Variants in SGSM1 observed in about 807,000 individuals in gnomAD.
SGSM1 encodes the protein small G protein signaling modulator 1, also known as RUN and TBC1 domain containing 2.
SGSM1 carries 73 observed loss-of-function variants against 133.8 expected under a neutral mutation model. The ratio of observed to expected loss-of-function variants is 0.55; its 90% CI spans 0.45 to 0.66. The LOEUF is 0.66. Among genes scored for constraint, SGSM1 ranks in the 30% least tolerant of loss-of-function variants. The pLI is 0.00. For synonymous variants in SGSM1, 563 were observed against 573.0 expected, an observed-to-expected ratio of 0.98 and a Z score of 0.25; for missense variants, 1,213 against 1,448.1, an observed-to-expected ratio of 0.84 and a Z score of 2.64.
At chr22:24,868,288 C>A in intron 10 of SGSM1, 88 bp from the exon 11 acceptor site, 2 of 1,525,304 alleles carry the variant, frequency 1.3e-6, no homozygotes, top group Non-Finnish European at 8.8e-7. Context: ...TGGCTTGGCA[C>A]CCCTGGGGGA....
chr22:24,829,356 G>GA (rs923669607), intron 2 of SGSM1, among the ~76,000 whole-genome samples: 1 of 152,082 alleles, frequency 6.6e-6, no homozygotes, highest in Non-Finnish European at 1.5e-5. Flanking sequence ...ACAAAGAGGG[G>GA]AGCAGCAGAC....
At chr22:24,830,932 C>T (rs1179491897) in intron 2 of SGSM1, among the ~76,000 whole-genome samples, 1 of 152,120 alleles carries the variant, frequency 6.6e-6, no homozygotes. Flanking sequence ...CACTAAAAGC[C>T]CCTCCTGGAC....
intron 2 of SGSM1, among the ~76,000 whole-genome samples, chr22:24,831,136 C>T (rs914697310): frequency 5.3e-5 from 8 of 151,988 alleles, no homozygotes; most frequent in Non-Finnish European, 1.2e-4. Context: ...CGGAGGTCAG[C>T]GTGCAGGAGG....
chr22:24,811,200 C>T (rs889189676), intron 2 of SGSM1, among the ~76,000 whole-genome samples: 2 of 152,058 alleles, frequency 1.3e-5, no homozygotes, highest in Admixed American at 6.6e-5. Flanking sequence ...CACATTCCTG[C>T]AATACACAAG....
intron 2 of SGSM1, among the ~76,000 whole-genome samples, chr22:24,809,691 A>C (rs1280327719): frequency 6.6e-6 from 1 of 152,166 alleles, no homozygotes; most frequent in Non-Finnish European, 1.5e-5. Flanking sequence ...CTGTGGATAT[A>C]GCAGGGACAG....
At chr22:24,851,685 T>C (rs1338231428) in intron 5 of SGSM1, among the ~76,000 whole-genome samples, 2 of 152,160 alleles carry the variant, frequency 1.3e-5, no homozygotes, top group Non-Finnish European at 2.9e-5. Flanking sequence ...TAATACCTGA[T>C]GGATGTTCCA....
chr22:24,894,368 G>T (rs190538333), intron 17 of SGSM1, among the ~76,000 whole-genome samples: 1 of 152,194 alleles, frequency 6.6e-6, no homozygotes, highest in Non-Finnish European at 1.5e-5. Flanking sequence ...ACTCCAGCAC[G>T]GGCAACGAGC....
At chr22:24,823,864 C>T (rs908911844) in intron 2 of SGSM1, among the ~76,000 whole-genome samples, 2 of 150,618 alleles carry the variant, frequency 1.3e-5, no homozygotes, top group Non-Finnish European at 1.5e-5. Flanking sequence ...GAGCCATGAT[C>T]GCGTCACTGT....
chr22:24,886,599 G>C lies in SGSM1; in HGVS notation c.1642-1G>C. 6.4e-7 allele frequency: 1 copy of C among 1,552,006 alleles called. No homozygotes were observed. ...TCTTTGCTCCTCTCCACCCACCACA[G>C]AGTTACGAGGAGCAGGAGCTGCTGC... On this transcript the variant is annotated splice_acceptor_variant, in intron 15 of 24. Transcript: ENST00000400358. LOFTEE classifies it high-confidence loss of function.
chr22:24,898,780 C>T (rs1433433021), intron 19 of SGSM1, among the ~76,000 whole-genome samples: 1 of 152,052 alleles, frequency 6.6e-6, no homozygotes, highest in African/African-American at 2.4e-5. Context: ...GTAATCCCAG[C>T]ACTTTGGGAG....
At chr22:24,895,185 G>A in intron 17 of SGSM1, 38 bp from the exon 18 acceptor site, 13 of 1,579,132 alleles carry the variant, frequency 8.2e-6, no homozygotes, top group African/African-American at 1.4e-5. Flanking sequence ...CCAGGGTGCA[G>A]CCTCACCCTC....
chr22:24,857,982 G>GT (rs112502462), intron 8 of SGSM1, among the ~76,000 whole-genome samples: 26 of 152,012 alleles, frequency 1.7e-4, no homozygotes, highest in African/African-American at 6.3e-4. Context: ...GATGTTTTTT[G>GT]TTTTTTGTTT....
At chr22:24,822,088 C>CTCTTTTTTTTTTTT (rs1555920070) in intron 2 of SGSM1, among the ~76,000 whole-genome samples, 1 of 96,176 alleles carries the variant, frequency 1.0e-5, no homozygotes, top group Non-Finnish European at 2.0e-5. Flanking sequence ...TCATCTCTCT[C>CTCTTTTTTTTTTTT]TTTTTTTTTT....
intron 16 of SGSM1, among the ~76,000 whole-genome samples, chr22:24,890,123 A>AT (rs540395339): frequency 4.1e-4 from 62 of 151,354 alleles, no homozygotes; most frequent in African/African-American, 1.3e-3. Flanking sequence ...CGCCTGGCTA[A>AT]TTTTTTGTAT....
At chr22:24,838,908 G>T in intron 2 of SGSM1, among the ~76,000 whole-genome samples, 1 of 133,346 alleles carries the variant, frequency 7.5e-6, no homozygotes. Context: ...ATTAATTTTA[G>T]GATAGATATT....
At position 24,855,544 on chromosome 22, in the gene SGSM1, A is replaced by C. The variant is rs753934776; in HGVS notation, c.670-5A>C. ...ATCCCTCTGTCTCCCGTCACTCTCTACCAGATCCAGAAGAGGCATTCCAGT... is the reference window on the plus strand; with the variant it reads ...ATCCCTCTGTCTCCCGTCACTCTCTCCCAGATCCAGAAGAGGCATTCCAGT... On this transcript the variant is annotated splice_region_variant and splice_polypyrimidine_tract_variant and intron_variant, in intron 7 of 24. Transcript: ENST00000400358. The C allele has an allele frequency of 1.2e-6, 2 of 1,613,684 alleles. No individual in the cohort carries two copies. Among genetic ancestry groups the C allele is most frequent in the Non-Finnish European group, 1.7e-6 (2 of 1,179,810 alleles).
intron 9 of SGSM1, among the ~76,000 whole-genome samples, chr22:24,860,916 A>T (rs1335349276): frequency 0.038 from 3,315 of 86,440 alleles, 50 homozygotes; most frequent in South Asian, 0.056. Flanking sequence ...AAAAAAAAAA[A>T]AAAAAAATAT....
In SGSM1 at chr22:24,924,310, C is replaced by G; in HGVS notation, c.*36C>G. The G allele has an allele frequency of 6.3e-7, 1 of 1,577,004 alleles. No individual in the cohort carries two copies. On this transcript the variant is annotated 3_prime_UTR_variant, in exon 25 of 25. Transcript: ENST00000400358. ...ACCCCGGCAGCCTCAGCCAAGCTGC[C>G]CCTGCCCCGCTCCTCTGCTTACTTT...
Position 24,847,764 on chromosome 22 carries a change from G to A in SGSM1, c.270G>A (p.Lys90=). ...NFPPAEDLSR[K]VQDLEQLIES... Reference sequence around the variant, plus strand: ...CGCCGGCTGAGGATCTGAGCCGCAAGGTGCAAGACCTGGAGCAGCTGATCG... The same window carrying A: ...CGCCGGCTGAGGATCTGAGCCGCAAAGTGCAAGACCTGGAGCAGCTGATCG... The change falls in exon 4 of 25, where the codon AAG becomes AAA. Residue 90 remains lysine (K), a synonymous_variant. Transcript: ENST00000400358. The A allele has an allele frequency of 6.2e-7, 1 of 1,613,956 alleles. No individual in the cohort carries two copies. The highest frequency in any genetic ancestry group is 8.5e-7 in the Non-Finnish European group (1 of 1,179,878).
Sources: allele counts gnomAD v4.1 joint callset (sites outside exome capture counted in the v4.1 genomes callset), GRCh38; gene constraint gnomAD v4.1.1; transcripts MANE v1.5; gene names NCBI Gene and HGNC (gene_info 2026-07-23, HGNC 2026-07-21).